MOV10L1: variants seen among roughly 807,000 people sequenced by gnomAD.
MOV10L1 encodes the protein RNA helicase Mov10l1.
A neutral mutation model predicts 143.8 loss-of-function variants in MOV10L1; 110 were observed. The ratio of observed to expected loss-of-function variants is 0.76; its 90% confidence interval spans 0.66 to 0.90. The LOEUF (loss-of-function observed/expected upper bound fraction) is 0.90. Among genes scored for constraint, MOV10L1 ranks in the 40% least tolerant of loss-of-function variants. The pLI is 0.00. For missense variants in MOV10L1, 1,406 were observed against 1,526.8 expected (o/e 0.92, Z 1.32); for synonymous variants, 593 against 581.1 (o/e 1.02, Z -0.29).
In MOV10L1 at chr22:50,144,163, G is replaced by A. The variant is rs147541728; in HGVS notation, c.2425G>A (p.Val809Met). The A allele has an allele frequency of 5.6e-5, 90 of 1,613,462 alleles. No homozygotes were observed. The highest frequency in any genetic ancestry group is 6.7e-5 in the African/African-American group (5 of 74,930). Residue 809 changes from valine to methionine, a missense_variant, in exon 18 of 27, where the codon GTG becomes ATG. Around this residue, in one of 3 missense-constraint regions of MOV10L1, gnomAD observed 1,233 missense variants for 1,351.4 expected, o/e 0.91. Coordinates refer to ENST00000262794, the MANE Select transcript of MOV10L1 (RefSeq NM_018995.3). ...GCCCTCCAACAGTGCTGCTGACCTC[G>A]TGTGTCTGCGGCTGCACGAGAGCAA... is the stretch of plus-strand genomic sequence containing the variant. ...CAPSNSAADL[V>M]CLRLHESKVL...
intron 22 of MOV10L1, among the ~76,000 whole-genome samples, chr22:50,153,917 CCCTT>C (rs1302674413): frequency 6.6e-6 from 1 of 151,816 alleles, no homozygotes; most frequent in Non-Finnish European, 1.5e-5. Context: ...GTGCCAGTGC[CCCTT>C]CCATGCCACG....
chr22:50,123,692 C>T (rs79363046), intron 10 of MOV10L1, among the ~76,000 whole-genome samples: 2,787 of 152,284 alleles, frequency 0.018, 87 homozygotes, highest in African/African-American at 0.064. Context: ...AGAGTATTCC[C>T]TCCTCTTGAA....
chr22:50,138,744 G>T (rs1177366977), intron 15 of MOV10L1, among the ~76,000 whole-genome samples: 1 of 152,066 alleles, frequency 6.6e-6, no homozygotes, highest in East Asian at 1.9e-4. Flanking sequence ...TCGCTCTGTT[G>T]CCCAGGCCGA....
At chr22:50,146,985 G>T (rs182135834) in intron 19 of MOV10L1, 23 of 1,418,960 alleles carry the variant, frequency 1.6e-5, no homozygotes, top group African/African-American at 2.8e-5. Flanking sequence ...TGTGGCTACC[G>T]GATTGGACAG....
intron 15 of MOV10L1, among the ~76,000 whole-genome samples, chr22:50,137,841 C>CATATATAAATATACATATTTTATATATAT (rs2062873281): frequency 3.7e-5 from 3 of 80,266 alleles, no homozygotes; most frequent in Non-Finnish European, 5.4e-5. Context: ...TTTATATATA[C>CATATATAAATATACATATTTTATATATAT]ATATATAAAT....
chr22:50,147,242 G>T (rs113343793), intron 19 of MOV10L1: 1 of 621,488 alleles, frequency 1.6e-6, no homozygotes, highest in Admixed American at 2.9e-5. Flanking sequence ...CTCTCTCAGA[G>T]GCGCTCTGTG....
At chr22:50,121,174 G>T (rs963251123) in intron 10 of MOV10L1, among the ~76,000 whole-genome samples, 1 of 152,196 alleles carries the variant, frequency 6.6e-6, no homozygotes, top group Non-Finnish European at 1.5e-5. Context: ...GGTTTGAGGT[G>T]TTCTGAGAGT....
rs765110386 is a variant in MOV10L1, at chr22:50,108,098, C to G, written c.443-38C>G. 9.4e-6 allele frequency: 15 copies of G among 1,588,592 alleles called. No individual in the cohort carries two copies. In the African/African-American group the frequency reaches 1.5e-4, roughly 16 times the overall value. On this transcript the variant is annotated intron_variant, in intron 3 of 26. Coordinates refer to ENST00000262794, the MANE Select transcript of MOV10L1 (RefSeq NM_018995.3). ...CCATGACCTCAGAATAACTTGTGCA[C>G]TTTAACACTACCATGGCTTTTTTCC...
At chr22:50,121,611 G>A (rs1336299734) in intron 10 of MOV10L1, among the ~76,000 whole-genome samples, 6 of 152,234 alleles carry the variant, frequency 3.9e-5, no homozygotes, top group Non-Finnish European at 1.5e-5. Flanking sequence ...GTTGCCATGA[G>A]TCGCGAGCGC....
Position 50,114,413 on chromosome 22 carries a change from G to T in MOV10L1, c.917G>T (p.Ser306Ile), listed in dbSNP as rs779531683. The T allele has an allele frequency of 6.2e-7, 1 of 1,614,146 alleles. No individual in the cohort carries two copies. ...GGAGACATTCCTCAAAACTTAGTCA[G>T]CTGTAAACTGGCTGGCTGGGATAAA... ...NKGDIPQNLV[S>I]CKLAGWDKSK... Residue 306 changes from serine to isoleucine, a missense_variant, in exon 7 of 27, where the codon AGC becomes ATC. Ser to Ile is a moderately radical substitution (Grantham distance 142). Around this residue, in one of 3 missense-constraint regions of MOV10L1, gnomAD observed 1,233 missense variants for 1,351.4 expected, o/e 0.91. Transcript: ENST00000262794.
chr22:50,138,570 T>A (rs1056340436), intron 15 of MOV10L1, among the ~76,000 whole-genome samples: 4 of 149,468 alleles, frequency 2.7e-5, no homozygotes, highest in Non-Finnish European at 4.5e-5. Flanking sequence ...AAAAAAAAAA[T>A]AGAAAAGAAA....
chr22:50,108,531 C>T (rs545593368), intron 4 of MOV10L1, 126 bp from the exon 5 acceptor site: 17 of 997,426 alleles, frequency 1.7e-5, no homozygotes, highest in African/African-American at 1.4e-4. Flanking sequence ...ACCAGTGCTA[C>T]GGGATGGCGG....
At chr22:50,150,267 C>T (rs2063260988) in intron 20 of MOV10L1, among the ~76,000 whole-genome samples, 1 of 152,160 alleles carries the variant, frequency 6.6e-6, no homozygotes, top group Non-Finnish European at 1.5e-5. Context: ...GTCCCAGTCA[C>T]CAGGCACTGT....
rs1207098439 is a variant in MOV10L1, at chr22:50,113,923, T to C, written c.884+135T>C. 950 of 965,448 alleles carry C rather than the reference T, an allele frequency of 9.8e-4. 1 individual carries two copies. The highest frequency in any genetic ancestry group is 2.4e-3 in the South Asian group (97 of 40,530). The allele number at this position is 965,448 out of a possible 1,614,324, so 59.8% of individuals were successfully genotyped here. On this transcript the variant is annotated intron_variant, in intron 6 of 26. Transcript: ENST00000262794. ...TATGAAGATCTTTTCTTTTTTTTTT[T>C]TTTTTTTTTTTTTGAGACAGCGTCT...
At chr22:50,120,808 T>C (rs548266122) in intron 10 of MOV10L1, among the ~76,000 whole-genome samples, 192 bp downstream of exon 10, 4 of 152,222 alleles carry the variant, frequency 2.6e-5, no homozygotes, top group Non-Finnish European at 5.9e-5. Context: ...CCAGACCTGC[T>C]GTACACCAGG....
Position 50,152,427 on chromosome 22 carries a change from C to T in MOV10L1, c.2893-618C>T, listed in dbSNP as rs1234397693. On this transcript the variant is annotated intron_variant, in intron 21 of 26. Coordinates refer to ENST00000262794, the MANE Select transcript of MOV10L1 (RefSeq NM_018995.3). This position sits in a 1 kb window ranked among gnomAD's most constrained non-coding sequence, Gnocchi z 4.4. ...TGGAGACCCTCTCTGGCTGCTTACA[C>T]CAGCACCAGGGGAAGAGCACCTGCC... 6.6e-6 allele frequency among the ~76,000 whole-genome samples: 1 copy of T among 152,218 alleles called. No individual in the cohort carries two copies. The highest frequency in any genetic ancestry group is 1.5e-5 in the Non-Finnish European group (1 of 68,018).
At chr22:50,112,868 ACT>A (rs1479745013) in intron 5 of MOV10L1, among the ~76,000 whole-genome samples, 2 of 151,238 alleles carry the variant, frequency 1.3e-5, no homozygotes, top group African/African-American at 4.9e-5. Flanking sequence ...AACGCTGTGG[ACT>A]CTCTGCCCCT....
chr22:50,097,148 T>G (rs1369235380), intron 2 of MOV10L1, among the ~76,000 whole-genome samples: 1 of 152,232 alleles, frequency 6.6e-6, no homozygotes, highest in Non-Finnish European at 1.5e-5. Context: ...GATCTCACTT[T>G]GTTGCCCAGG....
chr22:50,103,131 GACAC>G (rs1157297776), intron 3 of MOV10L1, among the ~76,000 whole-genome samples: 1 of 152,188 alleles, frequency 6.6e-6, no homozygotes, highest in Non-Finnish European at 1.5e-5. Flanking sequence ...GGTGAGGTCT[GACAC>G]ACGAGGGCAG....
Sources: gnomAD v4.1 joint callset for allele counts (sites outside exome capture counted in the v4.1 genomes callset) on GRCh38, gnomAD v4.1.1 for gene constraint, gnomAD v4.1.1 regional missense constraint, Gnocchi (gnomAD v3.1) non-coding constraint, MANE v1.5 for transcripts, NCBI Gene and HGNC (gene_info 2026-07-23, HGNC 2026-07-21) for gene names.